The following ANK2 variants were observed in gnomAD, a reference collection of about 807,000 sequenced individuals.
ANK2 encodes ankyrin 2.
Under a neutral mutation model 360.5 loss-of-function variants are expected in ANK2, and 83 were observed. The observed-to-expected ratio is 0.23, with a 90% confidence interval of 0.19 to 0.28. The LOEUF (loss-of-function observed/expected upper bound fraction) is 0.28, where lower values mean the gene tolerates loss of function less well. ANK2 is among the 10% of genes least tolerant of loss of function. The pLI is 1.00. For missense variants in ANK2, 4,201 were observed against 4,795.7 expected (o/e 0.88, Z 3.66); for synonymous variants, 1,740 against 1,759.5 (o/e 0.99, Z 0.28).
chr4:113,373,563 C>A, intron 45 of ANK2, 114 bp downstream of exon 45: 1 of 1,184,086 alleles, frequency 8.4e-7, no homozygotes, highest in Non-Finnish European at 1.3e-6. Context: ...TTTCATGTGG[C>A]AGTTTGCTCT....
At position 113,174,465 on chromosome 4, in the gene ANK2, A is replaced by T; in HGVS notation, c.134A>T (p.Asp45Val). The stretch of plus-strand genomic sequence containing the variant: ...CGTGCTGCCAGAGCAGGCAACCTGG[A>T]CAAAGTTGTGGAATATCTGAAGGGG... ...FLRAARAGNL[D>V]KVVEYLKGGI... The change falls in exon 2 of 46, where the codon GAC becomes GTC. Residue 45 changes from aspartate (D) to valine (V), a missense_variant. By Grantham distance (152) the Asp-to-Val change is radical. Transcript: ENST00000357077. 1 of 1,613,398 alleles carries T rather than the reference A, an allele frequency of 6.2e-7. No homozygotes were observed. The highest frequency in any genetic ancestry group is 8.5e-7 in the Non-Finnish European group (1 of 1,179,534).
At chr4:113,281,389 A>T (rs2062287482) in intron 17 of ANK2, among the ~76,000 whole-genome samples, 1 of 151,974 alleles carries the variant, frequency 6.6e-6, no homozygotes, top group African/African-American at 2.4e-5. Flanking sequence ...AATACAAAAA[A>T]ATTAGCCAGT....
At chr4:113,128,388 T>G (rs971141258) in intron 1 of ANK2, among the ~76,000 whole-genome samples, 1 of 152,266 alleles carries the variant, frequency 6.6e-6, no homozygotes, top group African/African-American at 2.4e-5. Flanking sequence ...TATTACTTAT[T>G]ATATCACCAT....
At chr4:113,083,505 T>C (rs1440544361) in intron 1 of ANK2, among the ~76,000 whole-genome samples, 10 of 152,180 alleles carry the variant, frequency 6.6e-5, no homozygotes, top group African/African-American at 1.4e-4. Flanking sequence ...TTGAGTTAGA[T>C]AGCAGAATTG....
intron 2 of ANK2, among the ~76,000 whole-genome samples, chr4:112,965,558 G>A (rs2036874725): frequency 6.6e-6 from 1 of 152,152 alleles, no homozygotes; most frequent in Non-Finnish European, 1.5e-5. Context: ...CAATGTCCTG[G>A]AAAGTTTCTC....
chr4:113,327,365 A>G (rs1370376220), intron 26 of ANK2, among the ~76,000 whole-genome samples: 1 of 152,218 alleles, frequency 6.6e-6, no homozygotes, highest in East Asian at 1.9e-4. Flanking sequence ...GAGAATATTT[A>G]ACATTCAGGA....
At chr4:113,171,318 A>G (rs2097939481) in intron 1 of ANK2, among the ~76,000 whole-genome samples, 1 of 152,204 alleles carries the variant, frequency 6.6e-6, no homozygotes, top group Non-Finnish European at 1.5e-5. Flanking sequence ...AAGGGCCTTA[A>G]TCACAGATTG....
intron 45 of ANK2, chr4:113,378,021 A>G: frequency 1.4e-6 from 1 of 702,514 alleles, no homozygotes. Flanking sequence ...TGAGTAAAGC[A>G]AAGCAATAGA....
intron 1 of ANK2, among the ~76,000 whole-genome samples, chr4:112,897,179 T>C (rs2082018903): frequency 6.6e-6 from 1 of 152,122 alleles, no homozygotes; most frequent in African/African-American, 2.4e-5. Context: ...ACTAAAACCA[T>C]GGCTCTCTTC....
intron 35 of ANK2, among the ~76,000 whole-genome samples, chr4:113,346,339 A>G (rs891426593): frequency 2.0e-5 from 3 of 152,296 alleles, no homozygotes; most frequent in Admixed American, 6.5e-5. Flanking sequence ...CTTTTTGAAG[A>G]AATTTTTAAA....
chr4:113,146,606 A>T (rs2096845570), intron 1 of ANK2, among the ~76,000 whole-genome samples: 1 of 152,084 alleles, frequency 6.6e-6, no homozygotes. Context: ...TTTATTTTTT[A>T]AAAACTTCAG....
rs192761999 is a variant in ANK2 at position 113,354,808 on chromosome 4, T to A, written c.6190T>A (p.Ser2064Thr). 153 of 1,613,884 alleles carry A rather than the reference T, an allele frequency of 9.5e-5. 2 individuals are homozygous for A. Among genetic ancestry groups the A allele is most frequent in the Non-Finnish European group, 8.5e-6 (10 of 1,179,962 alleles). Residue 2064 changes from serine to threonine, a missense_variant, in exon 38 of 46, where the codon TCC becomes ACC. By Grantham distance (58) the Ser-to-Thr change is moderately conservative. Coordinates refer to ENST00000357077, the MANE Select transcript of ANK2 (RefSeq NM_001148.6). The stretch of plus-strand genomic sequence containing the variant: ...ACTCCCGGTAACGGGCACAGCAGAA[T>A]CCAAAAGAGGAGTTCGTGTTTCCTC... ...QRLPVTGTAESKRGVRVSSIG... is the reference protein window; with the variant it reads ...QRLPVTGTAETKRGVRVSSIG...
chr4:112,868,570 A>G lies in ANK2; in HGVS notation c.-39-35885A>G, dbSNP rs556952337. Among the ~76,000 whole-genome samples the G allele has an allele frequency of 2.6e-4, 39 of 152,382 alleles. No individual in the cohort carries two copies. The South Asian group carries it at 7.7e-3, about 30-fold the overall frequency. ...GGTCTCACTTCTGAATACCATCATT[A>G]TAGCAATTAAATTTCAATGTAAGCT... On this transcript the variant is annotated intron_variant, in intron 1 of 30. Coordinates refer to the ANK2 transcript ENST00000503271.
intron 1 of ANK2, chr4:112,881,732 A>G: frequency 1.7e-6 from 1 of 588,778 alleles, no homozygotes; most frequent in East Asian, 2.9e-5. Flanking sequence ...CCACTGCCTC[A>G]GTCAGTGATG....
intron 1 of ANK2, among the ~76,000 whole-genome samples, chr4:113,095,069 G>A (rs2090407025): frequency 6.6e-6 from 1 of 152,166 alleles, no homozygotes; most frequent in African/African-American, 2.4e-5. Flanking sequence ...CTAATTGGCA[G>A]GGGCTGGTGA....
the ANK2 span, among the ~76,000 whole-genome samples, chr4:112,772,909 G>T: frequency 6.6e-6 from 1 of 152,136 alleles, no homozygotes; most frequent in African/African-American, 2.4e-5. Flanking sequence ...TTCTGAGGCT[G>T]TACAAGAATT....
chr4:112,833,746 G>A (rs554781924), intron 1 of ANK2, among the ~76,000 whole-genome samples: 11 of 152,226 alleles, frequency 7.2e-5, no homozygotes, highest in Admixed American at 1.3e-4. Flanking sequence ...CTCGTGATCC[G>A]CCCGCCTCGG....
intron 1 of ANK2, among the ~76,000 whole-genome samples, chr4:112,898,507 C>T (rs115118318): frequency 0.012 from 1,871 of 152,230 alleles, 21 homozygotes; most frequent in South Asian, 0.027. Flanking sequence ...ATTTTCATCA[C>T]GTTATATCAA....
chr4:112,991,398 C>G (rs1417336862), intron 2 of ANK2, among the ~76,000 whole-genome samples: 1 of 152,076 alleles, frequency 6.6e-6, no homozygotes, highest in African/African-American at 2.4e-5. Flanking sequence ...ATTTCCATAA[C>G]AAAATGCCAC....
Sources: gnomAD v4.1 joint callset for allele counts (sites outside exome capture counted in the v4.1 genomes callset) on GRCh38, gnomAD v4.1.1 for gene constraint, MANE v1.5 for transcripts, NCBI Gene and HGNC (gene_info 2026-07-23, HGNC 2026-07-21) for gene names.